Variants in FOXN3 observed in about 807,000 individuals in gnomAD.
FOXN3 encodes the protein forkhead box protein N3.
FOXN3 carries 7 observed loss-of-function variants against 38.4 expected under a neutral mutation model. That is an observed-to-expected ratio of 0.18 (90% CI 0.10 to 0.34). The LOEUF (loss-of-function observed/expected upper bound fraction) is 0.34, where lower values mean the gene tolerates loss of function less well. FOXN3 is among the 10% of genes least tolerant of loss of function. The pLI, the probability that FOXN3 is intolerant of heterozygous loss-of-function variation, is 1.00. For synonymous variants in FOXN3, 230 were observed against 242.2 expected, an observed-to-expected ratio of 0.95 and a Z score of 0.47; for missense variants, 456 against 613.4, an observed-to-expected ratio of 0.74 and a Z score of 2.71.
chr14:89,165,739 A>G (rs1887225208), intron 5 of FOXN3, among the ~76,000 whole-genome samples: 1 of 152,256 alleles, frequency 6.6e-6, no homozygotes, highest in African/African-American at 2.4e-5. Context: ...GCAAACGAAA[A>G]TGAAAGTCTC....
chr14:89,203,589 C>T (rs1038592883), intron 4 of FOXN3, among the ~76,000 whole-genome samples: 2 of 152,152 alleles, frequency 1.3e-5, no homozygotes, highest in Admixed American at 6.5e-5. Context: ...TGGAGTCATG[C>T]GCTGAGCGGG....
intron 4 of FOXN3, among the ~76,000 whole-genome samples, chr14:89,268,232 G>A (rs1886043789): frequency 1.3e-5 from 2 of 152,186 alleles, no homozygotes; most frequent in African/African-American, 4.8e-5. Context: ...CCAGGTCTCT[G>A]CAGCTATAAT....
chr14:89,360,767 TACCACCTCCACC>T (rs1342807566), intron 2 of FOXN3, among the ~76,000 whole-genome samples: 64 of 17,792 alleles, frequency 3.6e-3, no homozygotes, highest in South Asian at 0.014. Context: ...CCTCCACCAC[TACCACCTCCACC>T]ACCACCTCCA....
intron 4 of FOXN3, among the ~76,000 whole-genome samples, chr14:89,279,896 G>A (rs1886407359): frequency 6.6e-6 from 1 of 152,194 alleles, no homozygotes; most frequent in Admixed American, 6.5e-5. Flanking sequence ...ACGGAAACCT[G>A]AAGATACATG....
chr14:89,326,123 G>A (rs1268034388), intron 3 of FOXN3, among the ~76,000 whole-genome samples: 4 of 152,150 alleles, frequency 2.6e-5, no homozygotes, highest in East Asian at 1.9e-4. Context: ...GCTACCAAGC[G>A]CCAGGCACTG....
intron 1 of FOXN3, among the ~76,000 whole-genome samples, chr14:89,598,115 A>C (rs1896094590): frequency 6.6e-6 from 1 of 152,098 alleles, no homozygotes; most frequent in Non-Finnish European, 1.5e-5. Flanking sequence ...TGCATCCTTA[A>C]CTTATCAATG....
intron 2 of FOXN3, among the ~76,000 whole-genome samples, chr14:89,377,020 CAAAAAAAAAAAAAAAAAAAAAAAAA>C (rs59105357): frequency 4.7e-5 from 2 of 42,754 alleles, no homozygotes; most frequent in Non-Finnish European, 8.6e-5. Flanking sequence ...GACTCTGTCT[CAAAAAAAAAAAAAAAAAAAAAAAAA>C]AAAAAAAAAG....
At chr14:89,211,722 C>A (rs1365048251) in intron 4 of FOXN3, among the ~76,000 whole-genome samples, 1 of 152,212 alleles carries the variant, frequency 6.6e-6, no homozygotes, top group African/African-American at 2.4e-5. Context: ...TTGAGTCTCA[C>A]CCCAGAGAGC....
chr14:89,199,704 A>G (rs1039607693), intron 4 of FOXN3, among the ~76,000 whole-genome samples: 1 of 152,148 alleles, frequency 6.6e-6, no homozygotes, highest in African/African-American at 2.4e-5. Flanking sequence ...GGAGTTCAAG[A>G]CCAGCCTGGC....
chr14:89,396,038 T>TA (rs1481846145), intron 2 of FOXN3, among the ~76,000 whole-genome samples: 13 of 152,142 alleles, frequency 8.5e-5, no homozygotes, highest in Admixed American at 8.5e-4. Flanking sequence ...GGCTAAATAC[T>TA]AATAGGCAGG....
At chr14:89,597,143 C>T (rs193018282) in intron 1 of FOXN3, among the ~76,000 whole-genome samples, 1 of 152,204 alleles carries the variant, frequency 6.6e-6, no homozygotes, top group East Asian at 1.9e-4. Flanking sequence ...ACATGCATTC[C>T]ACAATTTTTG....
intron 1 of FOXN3, among the ~76,000 whole-genome samples, chr14:89,561,392 A>G (rs1438206453): frequency 6.6e-6 from 1 of 152,048 alleles, no homozygotes; most frequent in African/African-American, 2.4e-5. Context: ...TTTTGTATTT[A>G]GTAGAGACAG....
intron 3 of FOXN3, among the ~76,000 whole-genome samples, chr14:89,313,910 T>C (rs1887647369): frequency 1.3e-5 from 2 of 152,008 alleles, no homozygotes; most frequent in African/African-American, 4.8e-5. Context: ...TATTATTCCA[T>C]ATATATGAGG....
chr14:89,420,512 T>G (rs1891875129), upstream of FOXN3, among the ~76,000 whole-genome samples: 1 of 152,014 alleles, frequency 6.6e-6, no homozygotes, highest in African/African-American at 2.4e-5. Context: ...CCAACTAGAG[T>G]CTTCTAGGAT....
chr14:89,545,197 G>A (rs1269180792), intron 1 of FOXN3, among the ~76,000 whole-genome samples: 2 of 152,220 alleles, frequency 1.3e-5, no homozygotes, highest in African/African-American at 4.8e-5. Context: ...ACACATGCTT[G>A]ATAGCATTTG....
intron 1 of FOXN3, among the ~76,000 whole-genome samples, chr14:89,565,805 A>T (rs1895336316): frequency 6.6e-6 from 1 of 152,224 alleles, no homozygotes; most frequent in Admixed American, 6.5e-5. Flanking sequence ...TCTTCACGTC[A>T]GATCTGGCCT....
chr14:89,514,883 C>T (rs964731241), intron 1 of FOXN3, among the ~76,000 whole-genome samples: 1 of 151,768 alleles, frequency 6.6e-6, no homozygotes, highest in South Asian at 2.1e-4. Context: ...TCGACAGCAT[C>T]GAGATGGCTA....
intron 3 of FOXN3, among the ~76,000 whole-genome samples, chr14:89,340,406 T>C (rs1056251464): frequency 2.0e-5 from 3 of 152,106 alleles, no homozygotes; most frequent in African/African-American, 7.2e-5. Context: ...GTCTCAATGG[T>C]TTATGGAGGT....
intron 3 of FOXN3, among the ~76,000 whole-genome samples, chr14:89,338,767 C>T (rs1175674027): frequency 6.6e-6 from 1 of 152,070 alleles, no homozygotes; most frequent in African/African-American, 2.4e-5. Flanking sequence ...CAAGATCATA[C>T]CACTTCACTC....
Sources: allele counts gnomAD v4.1 joint callset (sites outside exome capture counted in the v4.1 genomes callset), GRCh38; gene constraint gnomAD v4.1.1; transcripts MANE v1.5; gene names NCBI Gene and HGNC (gene_info 2026-07-23, HGNC 2026-07-21).